PPP1R7: variants seen among roughly 807,000 people sequenced by gnomAD.
PPP1R7 encodes protein phosphatase 1 regulatory subunit 7, also known as protein phosphatase 1 regulatory subunit 22.
A neutral mutation model predicts 45.2 loss-of-function variants in PPP1R7; 18 were observed. The ratio of observed to expected loss-of-function variants is 0.40; its 90% CI spans 0.28 to 0.59. PPP1R7 has a LOEUF of 0.59. Among genes scored for constraint, PPP1R7 ranks in the 20% least tolerant of loss-of-function variants. PPP1R7 has a pLI of 0.46. For missense variants in PPP1R7, 314 were observed against 455.8 expected (o/e 0.69, Z 2.83); for synonymous variants, 181 against 183.4 (o/e 0.99, Z 0.11).
chr2:241,163,211 G>A (rs1312987473), intron 6 of PPP1R7, 74 bp from the exon 7 acceptor site: 14 of 930,238 alleles, frequency 1.5e-5, no homozygotes, highest in African/African-American at 3.3e-5. Context: ...GCTCTGCCCC[G>A]GTCCAGGCAC....
intron 2 of PPP1R7, among the ~76,000 whole-genome samples, chr2:241,155,838 T>G (rs2067444758): frequency 1.3e-5 from 2 of 152,244 alleles, no homozygotes; most frequent in Admixed American, 6.5e-5. Flanking sequence ...TGCAACTTCC[T>G]GAGTTTATGA....
At chr2:241,158,771 G>C in intron 4 of PPP1R7, 1 of 540,916 alleles carries the variant, frequency 1.8e-6, no homozygotes, top group South Asian at 2.5e-5. Flanking sequence ...CCTGAGCCCA[G>C]GCAGCCAGTG....
intron 9 of PPP1R7, 45 bp downstream of exon 9, chr2:241,169,912 G>A: frequency 7.1e-7 from 1 of 1,417,132 alleles, no homozygotes; most frequent in Non-Finnish European, 1.0e-6. Flanking sequence ...TGACTAAACT[G>A]GTCTCACTGA....
chr2:241,182,536 A>G (rs2068022640), intron 9 of PPP1R7, 111 bp from the exon 10 acceptor site: 9 of 1,363,868 alleles, frequency 6.6e-6, no homozygotes, highest in African/African-American at 1.4e-5. Context: ...GAAGACCCAC[A>G]CCTGCTCGCC....
chr2:241,159,589 G>A (rs1363500577), intron 5 of PPP1R7, among the ~76,000 whole-genome samples: 3 of 152,204 alleles, frequency 2.0e-5, no homozygotes, highest in Non-Finnish European at 2.9e-5. Context: ...AATCTTTGAT[G>A]GGAAGGCTGC....
chr2:241,183,240 C>G lies in PPP1R7; in HGVS notation c.*417C>G. On this transcript the variant is annotated 3_prime_UTR_variant, in exon 10 of 10. Coordinates refer to ENST00000234038, the MANE Select transcript of PPP1R7 (RefSeq NM_002712.3). ...CCTAGCTGGCCCTAGTCCTGGTGTG[C>G]AGGGTTCAGGCAGTCTTGACCTGCA... The G allele has an allele frequency of 2.6e-6, 1 of 387,170 alleles. No individual in the cohort carries two copies. Among genetic ancestry groups the G allele is most frequent in the Non-Finnish European group, 5.2e-6 (1 of 191,158 alleles). 24.0% of individuals were successfully genotyped at this position (387,170 alleles called of 1,614,324 possible).
upstream of PPP1R7, chr2:241,149,579 G>C: frequency 7.0e-7 from 1 of 1,421,334 alleles, no homozygotes; most frequent in Non-Finnish European, 9.5e-7. Context: ...GAGTCTAGAA[G>C]CCCGCGCTAA....
intron 3 of PPP1R7, 108 bp from the exon 4 acceptor site, chr2:241,158,376 T>C (rs1670621886): frequency 2.0e-6 from 2 of 987,518 alleles, no homozygotes; most frequent in Non-Finnish European, 3.2e-6. Context: ...CAGACCCACC[T>C]GGCACTGCCT....
rs13023646 is a variant in PPP1R7, at chr2:241,160,897, C to A, written c.597+403C>A. 2.4e-5 allele frequency among the ~76,000 whole-genome samples: 3 copies of A among 123,044 alleles called. No individual in the cohort carries two copies. In the East Asian group the frequency reaches 7.2e-4, roughly 30 times the overall value. The allele number at this position is 123,044 out of a possible 152,430, so 80.7% of individuals were successfully genotyped here. On this transcript the variant is annotated intron_variant, in intron 6 of 9. Coordinates refer to ENST00000234038, the MANE Select transcript of PPP1R7 (RefSeq NM_002712.3). ...CAGCAAAGTGGTCACTTGGAGTGAA[C>A]TGATGTACATACCGGGGCTTTAGAA...
Position 241,182,733 on chromosome 2 carries a change from C to A in PPP1R7, c.993C>A (p.Asn331Lys). The change falls in exon 10 of 10, where the codon AAC (asparagine) becomes AAA (lysine). Residue 331 changes from asparagine (N) to lysine (K), a missense_variant. By Grantham distance (94) the Asn-to-Lys change is moderately conservative. Around this residue, in one of 3 missense-constraint regions of PPP1R7, gnomAD observed 168 missense variants for 285.3 expected, o/e 0.59. Transcript: ENST00000234038. ...RSLETVYLER[N>K]PLQKDPQYRR... ...TGGAGACAGTGTACCTGGAGCGGAA[C>A]CCCTTGCAGAAGGACCCCCAGTACC... 1.9e-6 allele frequency: 3 copies of A among 1,614,202 alleles called. No homozygotes were observed. Among genetic ancestry groups the A allele is most frequent in the Non-Finnish European group, 2.5e-6 (3 of 1,180,030 alleles).
chr2:241,154,398 C>T (rs992529925), intron 2 of PPP1R7, among the ~76,000 whole-genome samples: 1 of 151,892 alleles, frequency 6.6e-6, no homozygotes, highest in Non-Finnish European at 1.5e-5. Flanking sequence ...TCTAAAGTGC[C>T]TAGATGTGGC....
At chr2:241,151,053 A>C (rs1020922646) in intron 1 of PPP1R7, among the ~76,000 whole-genome samples, 4 of 152,228 alleles carry the variant, frequency 2.6e-5, no homozygotes, top group Non-Finnish European at 5.9e-5. Flanking sequence ...CCTGTTTTCA[A>C]AGCTGTCATA....
In PPP1R7 at chr2:241,182,706, C is replaced by G; in HGVS notation, c.966C>G (p.Ser322Arg). The G allele has an allele frequency of 6.2e-7, 1 of 1,614,190 alleles. No individual in the cohort carries two copies. The highest frequency in any genetic ancestry group is 1.1e-5 in the South Asian group (1 of 91,082). ...TCGACGAGCTGAAGGGAGCCAGGAGCCTGGAGACAGTGTACCTGGAGCGGA... is the reference window on the plus strand; with the variant it reads ...TCGACGAGCTGAAGGGAGCCAGGAGGCTGGAGACAGTGTACCTGGAGCGGA... ...SDLDELKGAR[S>R]LETVYLERNP... is the part of the protein sequence containing the mutation. Residue 322 changes from serine (S) to arginine (R), a missense_variant, in exon 10 of 10, where the codon AGC becomes AGG. Transcript: ENST00000234038.
upstream of PPP1R7, chr2:241,150,180 C>G (rs955187013): frequency 7.8e-7 from 1 of 1,280,916 alleles, no homozygotes; most frequent in Non-Finnish European, 9.9e-7. Flanking sequence ...TCTCTCCACT[C>G]TGCCTAGACG....
intron 5 of PPP1R7, 105 bp from the exon 6 acceptor site, chr2:241,160,227 A>G: frequency 1.6e-6 from 1 of 628,062 alleles, no homozygotes; most frequent in Non-Finnish European, 2.6e-6. Context: ...CCCGGTAGTG[A>G]CTGCCGTCCC....
intron 9 of PPP1R7, among the ~76,000 whole-genome samples, chr2:241,174,309 C>T (rs1310239855): frequency 6.6e-6 from 1 of 152,220 alleles, no homozygotes; most frequent in East Asian, 1.9e-4. Context: ...GGGCATTCTG[C>T]ATCTTGGGGC....
chr2:241,164,201 T>A (rs1412580803), intron 7 of PPP1R7, among the ~76,000 whole-genome samples: 1 of 152,144 alleles, frequency 6.6e-6, no homozygotes, highest in Admixed American at 6.5e-5. Context: ...TTAAGTGCCA[T>A]GTTTTTGGCT....
intron 8 of PPP1R7, 93 bp downstream of exon 8, chr2:241,166,534 C>T (rs544611640): frequency 1.7e-5 from 18 of 1,074,642 alleles, no homozygotes; most frequent in South Asian, 2.7e-5. Context: ...CCTCTCGGGC[C>T]GGTGTCAGGA....
intron 9 of PPP1R7, among the ~76,000 whole-genome samples, chr2:241,176,215 T>C (rs2067905628): frequency 6.6e-6 from 1 of 152,032 alleles, no homozygotes; most frequent in Non-Finnish European, 1.5e-5. Context: ...GCCCAGTCAG[T>C]GCCTGAAACA....
Sources: allele counts gnomAD v4.1 joint callset (sites outside exome capture counted in the v4.1 genomes callset), GRCh38; gene constraint gnomAD v4.1.1; regional missense constraint gnomAD v4.1.1; transcripts MANE v1.5; gene names NCBI Gene and HGNC (gene_info 2026-07-23, HGNC 2026-07-21).